EP400: variants seen among roughly 807,000 people sequenced by gnomAD.
EP400 encodes the protein E1A binding protein p400.
Under a neutral mutation model 354.1 loss-of-function variants are expected in EP400, and 105 were observed. That is an observed-to-expected ratio of 0.30 (90% CI 0.25 to 0.35). The LOEUF is 0.35. Ranked by LOEUF, EP400 falls within the 10% of genes least tolerant of loss-of-function variation. The pLI is 1.00. For missense variants in EP400, 3,280 were observed against 4,121.0 expected (o/e 0.80, Z 5.59); for synonymous variants, 1,646 against 1,716.9 (o/e 0.96, Z 1.02).
intron 2 of EP400, among the ~76,000 whole-genome samples, chr12:131,972,346 G>A (rs998640417): frequency 4.0e-5 from 6 of 151,828 alleles, no homozygotes; most frequent in Non-Finnish European, 8.8e-5. Flanking sequence ...GTAGAGACGG[G>A]GCTTCACCAT....
intron 13 of EP400, 114 bp from the exon 14 acceptor site, chr12:132,005,998 A>G: frequency 2.1e-6 from 2 of 960,922 alleles, no homozygotes; most frequent in Non-Finnish European, 3.0e-6. Flanking sequence ...ATTATTGCCT[A>G]ATTCAGTATT....
rs117153347 is a variant in EP400, at chr12:132,052,285, C to A, written c.7395-861C>A. On this transcript the variant is annotated intron_variant, in intron 41 of 52. Transcript: ENST00000389561. The surrounding 1 kb of genome is among the most constrained non-coding windows in gnomAD (Gnocchi z 4.4). The stretch of plus-strand genomic sequence containing the variant: ...ACACAGTGGCGGATTTGGGAGGCTT[C>A]CTCGTTCTGTGGCCCCCTTTCCGCA... Among the ~76,000 whole-genome samples, 1,089 of 152,290 alleles carry A rather than the reference C, an allele frequency of 7.2e-3. 35 individuals carry two copies. In the South Asian group the frequency reaches 0.093, roughly 13 times the overall value.
At chr12:131,954,871 T>C (rs1376684037) in intron 1 of EP400, among the ~76,000 whole-genome samples, 2 of 150,494 alleles carry the variant, frequency 1.3e-5, no homozygotes, top group African/African-American at 2.5e-5. Flanking sequence ...GTACAAAAAA[T>C]ACAAAAATTA....
At position 131,993,124 on chromosome 12, in the gene EP400, C is replaced by G. The variant is rs532330651; in HGVS notation, c.2737+894C>G. On this transcript the variant is annotated intron_variant, in intron 11 of 52. Coordinates refer to ENST00000389561, the MANE Select transcript of EP400 (RefSeq NM_015409.5). ...TTGTGGTGGCATTTTCAGGCCCCTCCCAAGCGATTCTCTTGCCTCAGCCTC... is the reference window on the plus strand; with the variant it reads ...TTGTGGTGGCATTTTCAGGCCCCTCGCAAGCGATTCTCTTGCCTCAGCCTC... Among the ~76,000 whole-genome samples the G allele has an allele frequency of 9.2e-5, 14 of 152,236 alleles. No homozygotes were observed. In the East Asian group the frequency reaches 2.7e-3, roughly 29 times the overall value.
In EP400 at chr12:131,994,697, A is replaced by G. The variant is rs946664556; in HGVS notation, c.2738-170A>G. 1.3e-5 allele frequency among the ~76,000 whole-genome samples: 2 copies of G among 152,194 alleles called. No individual in the cohort carries two copies. The highest frequency in any genetic ancestry group is 4.8e-5 in the African/African-American group (2 of 41,460). ...CAGCCTGAAGTGGAAGGGGAAATACACTTCCAGTTTCCTGCCCATTTAATT... is the reference window on the plus strand; with the variant it reads ...CAGCCTGAAGTGGAAGGGGAAATACGCTTCCAGTTTCCTGCCCATTTAATT... On this transcript the variant is annotated intron_variant, in intron 11 of 52. Coordinates refer to ENST00000389561, the MANE Select transcript of EP400 (RefSeq NM_015409.5). This position sits in a 1 kb window ranked among gnomAD's most constrained non-coding sequence, Gnocchi z 4.6.
rs1214991220 is a variant in EP400 at position 132,025,696 on chromosome 12, C to T, written c.4906C>T (p.Pro1636Ser). The change falls in exon 25 of 53, where the codon CCT becomes TCT. Residue 1636 changes from proline to serine, a missense_variant. By Grantham distance (74) the Pro-to-Ser change is moderately conservative (BLOSUM62 -1). Around this residue, in one of 20 missense-constraint regions of EP400, gnomAD observed 459 missense variants for 496.9 expected, o/e 0.92. Coordinates refer to ENST00000389561, the MANE Select transcript of EP400 (RefSeq NM_015409.5). This position sits in a 1 kb window ranked among gnomAD's most constrained non-coding sequence, Gnocchi z 4.1. ...SAPGQPYLRA[P>S]GPVVMQTVSQ... ...CCCCGGGCAGCCCTACCTTCGAGCC[C>T]CTGGCCCTGTGGTGATGCAGACCGT... 2 of 1,613,434 alleles carry T rather than the reference C, an allele frequency of 1.2e-6. No individual in the cohort carries two copies. Among genetic ancestry groups the T allele is most frequent in the Admixed American group, 3.3e-5 (2 of 59,952 alleles).
chr12:131,962,871 A>G (rs1891940549), intron 2 of EP400, among the ~76,000 whole-genome samples: 1 of 152,248 alleles, frequency 6.6e-6, no homozygotes, highest in African/African-American at 2.4e-5. Flanking sequence ...CTCTTCTGCA[A>G]AGAAATCTGC....
intron 1 of EP400, among the ~76,000 whole-genome samples, chr12:131,959,984 T>A (rs575130801): frequency 1.3e-5 from 2 of 152,312 alleles, no homozygotes; most frequent in Non-Finnish European, 2.9e-5. Context: ...TAAGAACTAC[T>A]GGCTGGGGAG....
Position 131,990,645 on chromosome 12 carries a change from A to G in EP400, c.2560A>G (p.Ile854Val). 1 of 1,609,136 alleles carries G rather than the reference A, an allele frequency of 6.2e-7. No homozygotes were observed. Among genetic ancestry groups the G allele is most frequent in the East Asian group, 2.2e-5 (1 of 44,872 alleles). The change falls in exon 9 of 53, where the codon ATA becomes GTA. Residue 854 changes from isoleucine (I) to valine (V), a missense_variant. Coordinates refer to ENST00000389561, the MANE Select transcript of EP400 (RefSeq NM_015409.5). This position sits in a 1 kb window ranked among gnomAD's most constrained non-coding sequence, Gnocchi z 4.2. ...AATCCTTTGCATTTAGGTTGTGGAA[A>G]TAAAACTACGAGTAGAATTAGAAGA... Reference protein sequence around the residue: ...FWSNIEQVVEIKLRVELEEKR... With the variant: ...FWSNIEQVVEVKLRVELEEKR...
rs144381390 is a variant in EP400 at position 132,027,459 on chromosome 12, G to A, written c.5037G>A (p.Ala1679=). ...TAGTTGGCGTTCCGGGCCGCGTGGC[G>A]GTGAATGCCTTGGCTGTAGGAGAAC... ...TPQVGVPGRV[A]VNALAVGEPG... The change falls in exon 26 of 53, where the codon GCG becomes GCA. Residue 1679 remains alanine (A), a synonymous_variant. Coordinates refer to ENST00000389561, the MANE Select transcript of EP400 (RefSeq NM_015409.5). This position sits in a 1 kb window ranked among gnomAD's most constrained non-coding sequence, Gnocchi z 4.9. 2.7e-5 allele frequency: 43 copies of A among 1,613,976 alleles called. No homozygotes were observed. The African/African-American group carries it at 2.7e-4, about 10-fold the overall frequency.
In EP400 at chr12:132,053,228, A is replaced by G. The variant is rs376872716; in HGVS notation, c.7473+4A>G. Reference sequence around the variant, plus strand: ...GCGAATCGCAAAAGAGAAAAAGGTCAGCGCCCTGGGCCCTTCTGCTTGAGT... The same window carrying G: ...GCGAATCGCAAAAGAGAAAAAGGTCGGCGCCCTGGGCCCTTCTGCTTGAGT... On this transcript the variant is annotated splice_donor_region_variant and intron_variant, in intron 42 of 52. Transcript: ENST00000389561. 26 of 1,613,552 alleles carry G rather than the reference A, an allele frequency of 1.6e-5. No individual in the cohort carries two copies. In the African/African-American group the frequency reaches 3.3e-4, roughly 21 times the overall value.
chr12:131,974,636 T>G (rs1342401354), intron 2 of EP400, among the ~76,000 whole-genome samples: 1 of 152,136 alleles, frequency 6.6e-6, no homozygotes. Flanking sequence ...CCCTTCAGAG[T>G]GTTTTTTCTT....
At chr12:132,065,681 G>T (rs1895867909) in intron 48 of EP400, 1 of 152,304 alleles carries the variant, frequency 6.6e-6, no homozygotes. Context: ...AGCTGTGTGG[G>T]TGCTGGACCC....
Position 132,013,221 on chromosome 12 carries a change from G to A in EP400, c.3611+43G>A. The A allele has an allele frequency of 6.4e-7, 1 of 1,564,920 alleles. No homozygotes were observed. The highest frequency in any genetic ancestry group is 8.7e-7 in the Non-Finnish European group (1 of 1,151,214). On this transcript the variant is annotated intron_variant, in intron 17 of 52. Coordinates refer to ENST00000389561, the MANE Select transcript of EP400 (RefSeq NM_015409.5). The surrounding 1 kb of genome is among the most constrained non-coding windows in gnomAD (Gnocchi z 4.5). ...TTGTCATTGAGTGTTCTTTGCTGTT[G>A]ATGTAGAAGATTCTCTTGAAGAAAT... is the stretch of plus-strand genomic sequence containing the variant.
rs763338747 is a variant in EP400 at position 131,992,156 on chromosome 12, T to C, written c.2680-17T>C. ...GTTTGGATCTCATGCTTGTGGTTTT[T>C]CTTTCTTTTCTTTCAGGATTCAGGA... On this transcript the variant is annotated splice_polypyrimidine_tract_variant and intron_variant, in intron 10 of 52. Transcript: ENST00000389561. The C allele has an allele frequency of 2.5e-6, 4 of 1,604,076 alleles. No homozygotes were observed. The African/African-American group carries it at 5.3e-5, about 21-fold the overall frequency.
chr12:132,063,023 T>C (rs1895759527), intron 47 of EP400, among the ~76,000 whole-genome samples: 1 of 152,200 alleles, frequency 6.6e-6, no homozygotes, highest in African/African-American at 2.4e-5. Context: ...GGTGTGGTTC[T>C]GGACCAGAGA....
At chr12:132,053,252 G>A (rs746715050) in intron 42 of EP400, 28 bp downstream of exon 42, 5 of 1,612,432 alleles carry the variant, frequency 3.1e-6, no homozygotes, top group Middle Eastern at 1.6e-4. Flanking sequence ...TTCTGCTTGA[G>A]TGGGAAAATG....
At chr12:132,044,386 CAA>C in intron 35 of EP400, 75 bp downstream of exon 35, 2 of 1,540,458 alleles carry the variant, frequency 1.3e-6, no homozygotes, top group Non-Finnish European at 1.8e-6. Flanking sequence ...TTGGCTTGTT[CAA>C]AGTCTGTGTA....
At chr12:132,037,920 G>T (rs1462012850) in intron 31 of EP400, 33 bp from the exon 32 acceptor site, 1 of 1,614,028 alleles carries the variant, frequency 6.2e-7, no homozygotes, top group East Asian at 2.2e-5. Context: ...CTTGGACCTT[G>T]TACTGGGGAG....
Sources: allele counts gnomAD v4.1 joint callset (sites outside exome capture counted in the v4.1 genomes callset), GRCh38; gene constraint gnomAD v4.1.1; regional missense constraint gnomAD v4.1.1; non-coding constraint Gnocchi (gnomAD v3.1); transcripts MANE v1.5; gene names NCBI Gene and HGNC (gene_info 2026-07-23, HGNC 2026-07-21).